Variants in FGL1 observed in about 807,000 individuals in gnomAD.
FGL1 encodes the protein fibrinogen like 1.
A neutral mutation model predicts 43.7 loss-of-function variants in FGL1; 59 were observed. The observed-to-expected ratio is 1.35, with a 90% CI of 1.10 to 1.68. FGL1 has a LOEUF of 1.68. FGL1 is among the 40% of genes most tolerant of loss of function. FGL1 has a pLI of 0.00. For synonymous variants in FGL1, 192 were observed against 126.5 expected (o/e 1.52, Z -3.48); for missense variants, 596 against 373.0 (o/e 1.60, Z -4.92).
At position 17,884,166 on chromosome 8, in the gene FGL1, C is replaced by A. The variant is rs35572174; in HGVS notation, c.63+1326G>T. Among the ~76,000 whole-genome samples, 457 of 150,298 alleles carry A rather than the reference C, an allele frequency of 3.0e-3. 3 individuals are homozygous for A. The highest frequency in any genetic ancestry group is 0.01 in the African/African-American group (422 of 40,372). On this transcript the variant is annotated intron_variant, in intron 2 of 7. Coordinates refer to ENST00000427924, the MANE Select transcript of FGL1 (RefSeq NM_004467.4). ...GTCCAAGTCACAGAACCTCTCCCAGCCATTTTTCTAGGATGATTCCTTCTC... is the reference window on the plus strand; with the variant it reads ...GTCCAAGTCACAGAACCTCTCCCAGACATTTTTCTAGGATGATTCCTTCTC...
At chr8:17,869,904 T>C (rs35057061) in intron 5 of FGL1, among the ~76,000 whole-genome samples, 459 of 152,256 alleles carry the variant, frequency 3.0e-3, no homozygotes, top group Non-Finnish European at 4.9e-3. Flanking sequence ...GGTCAGGAGA[T>C]AGAGACCATC....
At chr8:17,878,505 G>C (rs1419424733) in intron 3 of FGL1, among the ~76,000 whole-genome samples, 2 of 152,288 alleles carry the variant, frequency 1.3e-5, no homozygotes, top group South Asian at 4.1e-4. Context: ...GCTGGAGCCA[G>C]TGGTGTTGTC....
Position 17,891,657 on chromosome 8 carries a change from T to A in FGL1, c.-18+3790A>T, listed in dbSNP as rs144180090. The A allele has an allele frequency of 2.9e-4, 288 of 984,402 alleles. 2 individuals are homozygous for A. The African/African-American group carries it at 4.6e-3, about 16-fold the overall frequency. 61.0% of individuals were successfully genotyped at this position (984,402 alleles called of 1,614,324 possible). A position where few individuals can be genotyped will look rare whatever the true frequency, so the allele number is the denominator to read the frequency against. On this transcript the variant is annotated intron_variant, in intron 1 of 7. Transcript: ENST00000427924. ...GGTACTCGACAAAATATCTACTGAATAGATGAGAAGAAAACTTGTAAACCT... is the reference window on the plus strand; with the variant it reads ...GGTACTCGACAAAATATCTACTGAAAAGATGAGAAGAAAACTTGTAAACCT...
At chr8:17,866,443 G>A (rs1269039864) in intron 7 of FGL1, among the ~76,000 whole-genome samples, 4 of 152,216 alleles carry the variant, frequency 2.6e-5, no homozygotes, top group Non-Finnish European at 5.9e-5. Context: ...GCAACAGTAA[G>A]AAGGAAGAAA....
At chr8:17,875,875 G>A (rs904186814) in intron 3 of FGL1, among the ~76,000 whole-genome samples, 14 of 152,240 alleles carry the variant, frequency 9.2e-5, no homozygotes, top group African/African-American at 3.4e-4. Context: ...CAAAGTGAAA[G>A]GATGACAGGT....
At chr8:17,885,818 AATGTGC>A (rs2053619809) in intron 1 of FGL1, 1 of 440,944 alleles carries the variant, frequency 2.3e-6, no homozygotes, top group Non-Finnish European at 4.1e-6. Flanking sequence ...TCGCTATCCT[AATGTGC>A]TGTTTGTGTT....
At chr8:17,895,284 C>A in intron 1 of FGL1, 163 bp downstream of exon 1, 1 of 1,041,934 alleles carries the variant, frequency 9.6e-7, no homozygotes, top group Non-Finnish European at 1.2e-6. Context: ...ATACATAATT[C>A]TAAATCTCTT....
chr8:17,865,829 T>C (rs2053262035), intron 7 of FGL1, among the ~76,000 whole-genome samples: 1 of 152,112 alleles, frequency 6.6e-6, no homozygotes, highest in Admixed American at 6.5e-5. Context: ...AATTATTGAA[T>C]CAAAAAAGCA....
intron 1 of FGL1, 151 bp downstream of exon 1, chr8:17,895,296 T>A (rs1454361889): frequency 9.3e-7 from 1 of 1,069,566 alleles, no homozygotes; most frequent in African/African-American, 1.7e-5. Context: ...AAATCTCTTC[T>A]CCAAGTAGCA....
intron 7 of FGL1, chr8:17,868,272 G>A (rs747123026): frequency 8.3e-5 from 19 of 229,594 alleles, no homozygotes. Context: ...GTGTGAATTT[G>A]TGGCCTTCTA....
intron 2 of FGL1, among the ~76,000 whole-genome samples, chr8:17,885,081 C>T (rs1253289482): frequency 1.3e-5 from 2 of 151,276 alleles, no homozygotes; most frequent in African/African-American, 4.9e-5. Context: ...CACTCTGTCG[C>T]CCAGGCTGGA....
chr8:17,885,579 A>C lies in FGL1; in HGVS notation c.-17-8T>G. ...TGTTCCCCCTTGAAAAAACTGCAAG[A>C]ACAAAAAGAATTTTATAAATGTATC... is the stretch of plus-strand genomic sequence containing the variant. On this transcript the variant is annotated splice_region_variant and splice_polypyrimidine_tract_variant and intron_variant, in intron 1 of 7. Coordinates refer to ENST00000427924, the MANE Select transcript of FGL1 (RefSeq NM_004467.4). 6.2e-7 allele frequency: 1 copy of C among 1,611,654 alleles called. No individual in the cohort carries two copies.
intron 2 of FGL1, among the ~76,000 whole-genome samples, chr8:17,883,177 TAA>T (rs1333630290): frequency 2.0e-5 from 2 of 98,074 alleles, no homozygotes; most frequent in East Asian, 6.8e-4. Flanking sequence ...AAATAATATA[TAA>T]TATATATCAT....
intron 5 of FGL1, among the ~76,000 whole-genome samples, chr8:17,870,793 C>A (rs1317842410): frequency 6.6e-6 from 1 of 151,992 alleles, no homozygotes; most frequent in Non-Finnish European, 1.5e-5. Context: ...GTAATCCCAG[C>A]TACTCAGGAG....
intron 1 of FGL1, chr8:17,885,918 T>C (rs1021724449): frequency 2.3e-5 from 4 of 177,438 alleles, no homozygotes; most frequent in Non-Finnish European, 3.6e-5. Context: ...ATCTGCACGC[T>C]GGTCTCTGCT....
At chr8:17,883,552 C>A (rs2053582306) in intron 2 of FGL1, among the ~76,000 whole-genome samples, 1 of 133,844 alleles carries the variant, frequency 7.5e-6, no homozygotes, top group African/African-American at 2.8e-5. Context: ...TTATAGTCTA[C>A]TTTATATAAT....
At chr8:17,870,237 A>G (rs2053337803) in intron 5 of FGL1, among the ~76,000 whole-genome samples, 1 of 152,218 alleles carries the variant, frequency 6.6e-6, no homozygotes, top group African/African-American at 2.4e-5. Flanking sequence ...TAATGACTGT[A>G]AAAATTCTAG....
intron 1 of FGL1, among the ~76,000 whole-genome samples, chr8:17,887,352 A>T (rs753209871): frequency 2.0e-5 from 3 of 152,336 alleles, no homozygotes; most frequent in South Asian, 2.1e-4. Flanking sequence ...TGGGAGAGGT[A>T]TAAAAGGTAT....
At chr8:17,887,787 A>G (rs2053651097) in intron 1 of FGL1, among the ~76,000 whole-genome samples, 1 of 151,792 alleles carries the variant, frequency 6.6e-6, no homozygotes, top group South Asian at 2.1e-4. Flanking sequence ...GTGAGCCGAG[A>G]TCACGCCACT....
Sources: allele counts gnomAD v4.1 joint callset (sites outside exome capture counted in the v4.1 genomes callset), GRCh38; gene constraint gnomAD v4.1.1; transcripts MANE v1.5; gene names NCBI Gene and HGNC (gene_info 2026-07-23, HGNC 2026-07-21).